Variants in ST3GAL2 observed in about 807,000 individuals in gnomAD.
The protein encoded by ST3GAL2 is CMP-N-acetylneuraminate-beta-galactosamide-alpha-2,3-sialyltransferase 2.
A neutral mutation model predicts 37.5 loss-of-function variants in ST3GAL2; 16 were observed. The ratio of observed to expected loss-of-function variants is 0.43; its 90% CI spans 0.29 to 0.65. The LOEUF (loss-of-function observed/expected upper bound fraction) is 0.65. ST3GAL2 is among the 30% of genes least tolerant of loss of function. ST3GAL2 has a pLI of 0.17. For synonymous variants in ST3GAL2, 238 were observed against 202.9 expected, an observed-to-expected ratio of 1.17 and a Z score of -1.47; for missense variants, 383 against 487.8, an observed-to-expected ratio of 0.79 and a Z score of 2.02.
At chr16:70,394,277 C>T (rs910661477) in intron 3 of ST3GAL2, among the ~76,000 whole-genome samples, 4 of 152,200 alleles carry the variant, frequency 2.6e-5, no homozygotes, top group South Asian at 4.1e-4. Context: ...CATCTGCCAG[C>T]GAGAATCACC....
chr16:70,383,156 T>C, intron 5 of ST3GAL2, 34 bp downstream of exon 5: 2 of 1,611,750 alleles, frequency 1.2e-6, no homozygotes, highest in East Asian at 4.5e-5. Context: ...CCAGCACTGT[T>C]TCCACTGAGG....
rs767435228 is a variant in ST3GAL2 at position 70,380,337 on chromosome 16, G to A, written c.*1352C>T. 6.6e-6 allele frequency: 1 copy of A among 152,442 alleles called. No homozygotes were observed. Among genetic ancestry groups the A allele is most frequent in the East Asian group, 1.9e-4 (1 of 5,184 alleles). 9.4% of individuals were successfully genotyped at this position (152,442 alleles called of 1,614,324 possible). On this transcript the variant is annotated 3_prime_UTR_variant, in exon 7 of 7. Transcript: ENST00000342907. ...AACGGCCAGGAAGCTGCCTGGTGGT[G>A]TCAACTAAGAAAAGGGGGAGCATCT... is the stretch of plus-strand genomic sequence containing the variant.
chr16:70,375,987 GTTTA>G lies in ST3GAL2; in HGVS notation c.*5698_*5701del, dbSNP rs1264929998. The G allele has an allele frequency of 1.3e-5, 2 of 152,140 alleles. No homozygotes were observed. Among genetic ancestry groups the G allele is most frequent in the African/African-American group, 2.4e-5 (1 of 41,424 alleles). The allele number at this position is 152,140 out of a possible 1,614,324, so 9.4% of individuals were successfully genotyped here. ...TAAGTGTACTCAAGCCTTAGTTAAG[GTTTA>G]TTTATTTCTATTTATAGCAAAGACA... On this transcript the variant is annotated 3_prime_UTR_variant, in exon 7 of 7. Coordinates refer to ENST00000342907, the MANE Select transcript of ST3GAL2 (RefSeq NM_006927.4).
intron 4 of ST3GAL2, among the ~76,000 whole-genome samples, chr16:70,387,998 G>C (rs142131029): frequency 6.6e-6 from 1 of 151,960 alleles, no homozygotes; most frequent in East Asian, 1.9e-4. Context: ...TATAATCCCA[G>C]CTACTCAGGA....
At chr16:70,429,292 G>A (rs1003358193) in intron 1 of ST3GAL2, among the ~76,000 whole-genome samples, 1 of 152,162 alleles carries the variant, frequency 6.6e-6, no homozygotes, top group South Asian at 2.1e-4. Context: ...TGACCAGATG[G>A]CTGAAGAATG....
At chr16:70,389,271 A>G (rs1325965219) in intron 3 of ST3GAL2, among the ~76,000 whole-genome samples, 3 of 137,178 alleles carry the variant, frequency 2.2e-5, no homozygotes, top group African/African-American at 5.3e-5. Context: ...GGCTTAACTC[A>G]TTTTTACTGT....
intron 1 of ST3GAL2, chr16:70,401,072 T>A (rs1256194533): frequency 6.6e-6 from 1 of 152,160 alleles, no homozygotes; most frequent in Non-Finnish European, 1.5e-5. Flanking sequence ...TCTTTCAGGG[T>A]CCCGCTCCCA....
chr16:70,433,848 T>C (rs772568872), intron 1 of ST3GAL2, among the ~76,000 whole-genome samples: 1 of 152,032 alleles, frequency 6.6e-6, no homozygotes, highest in Non-Finnish European at 1.5e-5. Context: ...TCTAAATAAA[T>C]CCCCTATGCT....
intron 1 of ST3GAL2, among the ~76,000 whole-genome samples, chr16:70,426,256 C>T (rs1316876159): frequency 1.1e-4 from 15 of 140,586 alleles, no homozygotes; most frequent in African/African-American, 2.1e-4. Flanking sequence ...TGCAGTGGCG[C>T]GATCTCGGCT....
At chr16:70,400,689 A>C (rs2047549044) in intron 1 of ST3GAL2, 1 of 152,248 alleles carries the variant, frequency 6.6e-6, no homozygotes, top group South Asian at 2.1e-4. Context: ...AAAGTACAAG[A>C]ACTTACCTAA....
intron 1 of ST3GAL2, among the ~76,000 whole-genome samples, chr16:70,438,728 C>T (rs1344634111): frequency 1.3e-5 from 2 of 152,126 alleles, no homozygotes. Context: ...CTGGGAGCGG[C>T]TGGACGTGCA....
At chr16:70,386,461 G>A (rs2047444484) in intron 4 of ST3GAL2, among the ~76,000 whole-genome samples, 1 of 151,906 alleles carries the variant, frequency 6.6e-6, no homozygotes, top group Non-Finnish European at 1.5e-5. Flanking sequence ...AAAGTGCTAG[G>A]ATTACAGGCG....
intron 1 of ST3GAL2, among the ~76,000 whole-genome samples, chr16:70,409,162 T>C (rs935224143): frequency 1.3e-5 from 2 of 152,020 alleles, no homozygotes; most frequent in African/African-American, 4.8e-5. Flanking sequence ...TCTCGGCTGG[T>C]TGTGGTGGCT....
intron 3 of ST3GAL2, among the ~76,000 whole-genome samples, chr16:70,392,024 T>A (rs1462160970): frequency 1.3e-5 from 2 of 152,206 alleles, no homozygotes; most frequent in Non-Finnish European, 2.9e-5. Flanking sequence ...AGACCCACCA[T>A]CTGTCTTCTG....
chr16:70,404,070 A>C (rs560228028), intron 1 of ST3GAL2, among the ~76,000 whole-genome samples: 2 of 152,274 alleles, frequency 1.3e-5, no homozygotes, highest in East Asian at 3.9e-4. Flanking sequence ...TTTGAAGCTC[A>C]TGGGTGAGGT....
chr16:70,405,174 T>G (rs2047581247), intron 1 of ST3GAL2, among the ~76,000 whole-genome samples: 1 of 152,086 alleles, frequency 6.6e-6, no homozygotes, highest in South Asian at 2.1e-4. Context: ...GGAGTATTAT[T>G]CAGATATAAA....
chr16:70,415,019 G>A (rs768790008), intron 1 of ST3GAL2, among the ~76,000 whole-genome samples: 3 of 152,058 alleles, frequency 2.0e-5, no homozygotes, highest in Non-Finnish European at 4.4e-5. Context: ...GACTACAGGC[G>A]TCCGCCACCA....
chr16:70,402,283 CAAAAAAAAAAAAA>C (rs1042560583), intron 1 of ST3GAL2, among the ~76,000 whole-genome samples: 1 of 40,714 alleles, frequency 2.5e-5, no homozygotes, highest in African/African-American at 1.0e-4. Context: ...AACTATTTCT[CAAAAAAAAAAAAA>C]AAAAAAAAAA....
chr16:70,427,513 A>G (rs7200891), intron 1 of ST3GAL2, among the ~76,000 whole-genome samples: 12,316 of 151,630 alleles, frequency 0.081, 1,619 homozygotes, highest in African/African-American at 0.28. Context: ...TAATTTTTGT[A>G]TTTTTAGTAG....
Sources: gnomAD v4.1 joint callset for allele counts (sites outside exome capture counted in the v4.1 genomes callset) on GRCh38, gnomAD v4.1.1 for gene constraint, MANE v1.5 for transcripts, NCBI Gene and HGNC (gene_info 2026-07-23, HGNC 2026-07-21) for gene names.